ANKRD11: variants seen among roughly 807,000 people sequenced by gnomAD.
The protein encoded by ANKRD11 is ankyrin repeat domain-containing protein 11.
Under a neutral mutation model 195.7 loss-of-function variants are expected in ANKRD11, and 17 were observed. The ratio of observed to expected loss-of-function variants is 0.09; its 90% CI spans 0.06 to 0.13. The LOEUF is 0.13. Ranked by LOEUF, ANKRD11 falls within the 10% of genes least tolerant of loss-of-function variation. The pLI is 1.00. For missense variants in ANKRD11, 3,735 were observed against 3,566.1 expected, an observed-to-expected ratio of 1.05 and a Z score of -1.21; for synonymous variants, 1,953 against 1,528.1, an observed-to-expected ratio of 1.28 and a Z score of -6.49.
chr16:89,311,074 T>C (rs1252615098), intron 3 of ANKRD11, among the ~76,000 whole-genome samples: 1 of 152,236 alleles, frequency 6.6e-6, no homozygotes, highest in East Asian at 1.9e-4. Flanking sequence ...TCTCTATTCC[T>C]AGTTTGCAGA....
intron 11 of ANKRD11, among the ~76,000 whole-genome samples, chr16:89,273,704 A>G (rs939606019): frequency 1.3e-5 from 2 of 152,198 alleles, no homozygotes; most frequent in Non-Finnish European, 2.9e-5. Context: ...ACAAAAAAAA[A>G]AAGGAAAATA....
At chr16:89,389,919 G>A (rs186077135) in intron 2 of ANKRD11, among the ~76,000 whole-genome samples, 34 of 110,730 alleles carry the variant, frequency 3.1e-4, no homozygotes, top group African/African-American at 1.2e-3. Flanking sequence ...GATCACTGGG[G>A]CGAACACCGA....
chr16:89,383,074 T>C (rs2040733384), intron 2 of ANKRD11, among the ~76,000 whole-genome samples: 1 of 152,210 alleles, frequency 6.6e-6, no homozygotes, highest in African/African-American at 2.4e-5. Flanking sequence ...CTCGTCTGGA[T>C]TCAACTTTCA....
At chr16:89,430,895 C>T (rs2042950819) in intron 1 of ANKRD11, among the ~76,000 whole-genome samples, 1 of 152,202 alleles carries the variant, frequency 6.6e-6, no homozygotes, top group African/African-American at 2.4e-5. Flanking sequence ...GTGCTCTCCT[C>T]TTCCCACTGT....
chr16:89,322,890 C>T (rs1292519150), intron 2 of ANKRD11, among the ~76,000 whole-genome samples: 1 of 152,256 alleles, frequency 6.6e-6, no homozygotes, highest in Admixed American at 6.5e-5. Context: ...GTTGCCCAGG[C>T]TGGAGTGCAG....
intron 1 of ANKRD11, among the ~76,000 whole-genome samples, chr16:89,451,450 G>A (rs1006538046): frequency 1.5e-5 from 2 of 137,016 alleles, no homozygotes; most frequent in African/African-American, 5.4e-5. Context: ...CTCACTCTGA[G>A]GCCCAGGCAG....
At chr16:89,441,523 T>C (rs2043470146) in intron 1 of ANKRD11, among the ~76,000 whole-genome samples, 1 of 151,932 alleles carries the variant, frequency 6.6e-6, no homozygotes, top group Non-Finnish European at 1.5e-5. Flanking sequence ...ATCCCAGCAC[T>C]TTGGGAGGCC....
intron 1 of ANKRD11, among the ~76,000 whole-genome samples, chr16:89,424,264 A>C (rs1170006899): frequency 2.0e-5 from 3 of 152,124 alleles, no homozygotes; most frequent in African/African-American, 7.2e-5. Flanking sequence ...CAACATGGAG[A>C]AACCCCGTCT....
intron 2 of ANKRD11, among the ~76,000 whole-genome samples, chr16:89,386,099 T>C (rs189505453): frequency 6.6e-6 from 1 of 152,344 alleles, no homozygotes; most frequent in African/African-American, 2.4e-5. Context: ...GCTTCTCCTA[T>C]TCCTCAGATT....
chr16:89,453,114 TTTGTTG>T (rs1305375125), intron 1 of ANKRD11, among the ~76,000 whole-genome samples: 1 of 152,162 alleles, frequency 6.6e-6, no homozygotes, highest in Non-Finnish European at 1.5e-5. Flanking sequence ...ACATTTCTTT[TTTGTTG>T]TTGTTGTTGC....
At chr16:89,394,756 G>A (rs1000631425) in intron 2 of ANKRD11, among the ~76,000 whole-genome samples, 1 of 152,074 alleles carries the variant, frequency 6.6e-6, no homozygotes, top group South Asian at 2.1e-4. Flanking sequence ...CTCCATCAAG[G>A]ATGCTGTAAA....
intron 1 of ANKRD11, among the ~76,000 whole-genome samples, chr16:89,422,872 C>CTT (rs913508623): frequency 7.9e-5 from 12 of 152,198 alleles, no homozygotes; most frequent in African/African-American, 2.9e-4. Context: ...ACTTTAATCA[C>CTT]TTTTTTCTTT....
intron 1 of ANKRD11, among the ~76,000 whole-genome samples, chr16:89,436,526 C>T (rs1025071612): frequency 6.6e-6 from 1 of 152,168 alleles, no homozygotes; most frequent in African/African-American, 2.4e-5. Flanking sequence ...GAGCCTCAAG[C>T]GACGTCTGCC....
chr16:89,414,129 C>A (rs1183884139), intron 2 of ANKRD11, among the ~76,000 whole-genome samples: 1 of 152,202 alleles, frequency 6.6e-6, no homozygotes, highest in Non-Finnish European at 1.5e-5. Context: ...ATCGCACCTG[C>A]CTTACAAGTT....
chr16:89,364,680 G>A (rs987956528), intron 2 of ANKRD11, among the ~76,000 whole-genome samples: 7 of 152,298 alleles, frequency 4.6e-5, no homozygotes, highest in East Asian at 1.9e-4. Flanking sequence ...ATCTCATAAC[G>A]TTTACAAATT....
rs867416593 is a variant in ANKRD11, at chr16:89,280,832, C to T, written c.5710G>A (p.Glu1904Lys). 2 of 1,600,678 alleles carry T rather than the reference C, an allele frequency of 1.2e-6. No homozygotes were observed. Among genetic ancestry groups the T allele is most frequent in the South Asian group, 1.1e-5 (1 of 90,542 alleles). ...PRAELLVPSL[E>K]GALPPDLDTS... ...TCCAGGTCCGGGGGAAGGGCCCCTT[C>T]GAGGGAAGGAACCAGCAGCTCGGCT... Residue 1904 changes from glutamate (E) to lysine (K), a missense_variant, in exon 9 of 13, where the codon GAA becomes AAA. Physicochemically the swap from Glu to Lys is moderately conservative, Grantham distance 56. Transcript: ENST00000301030.
intron 2 of ANKRD11, among the ~76,000 whole-genome samples, chr16:89,388,692 G>A (rs916845915): frequency 1.3e-5 from 2 of 152,180 alleles, no homozygotes; most frequent in African/African-American, 2.4e-5. Context: ...GAGGTTTAGC[G>A]GACAGGACGT....
At chr16:89,297,129 C>T (rs1051164834) in intron 4 of ANKRD11, among the ~76,000 whole-genome samples, 2 of 152,200 alleles carry the variant, frequency 1.3e-5, no homozygotes, top group African/African-American at 4.8e-5. Context: ...AGGTGTGTGG[C>T]CTCAGCTGCT....
rs1440622895 is a variant in ANKRD11, at chr16:89,279,980, G to A, written c.6562C>T (p.Pro2188Ser). The A allele has an allele frequency of 2.5e-6, 4 of 1,611,164 alleles. No individual in the cohort carries two copies. The highest frequency in any genetic ancestry group is 3.4e-6 in the Non-Finnish European group (4 of 1,179,886). ...DVSTVVAEEPPALPPDQASTR... is the reference protein window; with the variant it reads ...DVSTVVAEEPSALPPDQASTR... ...GAGGCCTGGTCAGGAGGCAGTGCCGGCGGCTCCTCAGCCACTACGGTGGAA... is the reference window on the plus strand; with the variant it reads ...GAGGCCTGGTCAGGAGGCAGTGCCGACGGCTCCTCAGCCACTACGGTGGAA... Residue 2188 changes from proline to serine, a missense_variant, in exon 9 of 13, where the codon CCG (proline) becomes TCG (serine). Coordinates refer to ENST00000301030, the MANE Select transcript of ANKRD11 (RefSeq NM_013275.6). The surrounding 1 kb of genome is among the most constrained non-coding windows in gnomAD (Gnocchi z 5.6).
Sources: gnomAD v4.1 joint callset for allele counts (sites outside exome capture counted in the v4.1 genomes callset) on GRCh38, gnomAD v4.1.1 for gene constraint, Gnocchi (gnomAD v3.1) non-coding constraint, MANE v1.5 for transcripts, NCBI Gene and HGNC (gene_info 2026-07-23, HGNC 2026-07-21) for gene names.